Variants in SCN1A observed in about 807,000 individuals in gnomAD.
SCN1A encodes sodium channel protein type 1 subunit alpha.
SCN1A carries 13 observed loss-of-function variants against 193.7 expected under a neutral mutation model. The ratio of observed to expected loss-of-function variants is 0.07; its 90% CI spans 0.04 to 0.11. The LOEUF is 0.11. Among genes scored for constraint, SCN1A ranks in the 10% least tolerant of loss-of-function variants. The pLI is 1.00. For synonymous variants in SCN1A, 781 were observed against 843.6 expected, an observed-to-expected ratio of 0.93 and a Z score of 1.29; for missense variants, 1,432 against 2,451.1, an observed-to-expected ratio of 0.58 and a Z score of 8.78.
intron 1 of SCN1A, among the ~76,000 whole-genome samples, chr2:166,136,772 A>C (rs1364179656): frequency 6.6e-6 from 1 of 152,196 alleles, no homozygotes; most frequent in East Asian, 1.9e-4. Context: ...TCCAGGCAAG[A>C]GTGAAAGTGG....
chr2:166,002,997 G>A (rs1351076459), intron 23 of SCN1A: 3 of 304,278 alleles, frequency 9.9e-6, no homozygotes, highest in South Asian at 9.4e-5. Context: ...TTAAAAAAAA[G>A]GGAGGGAGAA....
intron 1 of SCN1A, among the ~76,000 whole-genome samples, chr2:166,139,560 A>G (rs1031922133): frequency 1.3e-5 from 2 of 152,200 alleles, no homozygotes; most frequent in Non-Finnish European, 2.9e-5. Context: ...GCCACGTGGA[A>G]CTATGAGTTC....
At chr2:166,097,606 G>C (rs1687536290) in intron 2 of SCN1A, among the ~76,000 whole-genome samples, 1 of 152,060 alleles carries the variant, frequency 6.6e-6, no homozygotes, top group Non-Finnish European at 1.5e-5. Flanking sequence ...AAAAAAAATA[G>C]GGTCTTGCCC....
At chr2:166,015,889 A>G (rs1374797967) in intron 19 of SCN1A, 162 bp from the exon 20 acceptor site, 7 of 726,504 alleles carry the variant, frequency 9.6e-6, no homozygotes, top group African/African-American at 7.1e-5. Flanking sequence ...TAAGAAAATC[A>G]TTGTCTGTGC....
Position 166,082,580 on chromosome 2 carries a change from A to G in SCN1A, c.-141-4779T>C, listed in dbSNP as rs1036300385. 3.9e-5 allele frequency among the ~76,000 whole-genome samples: 6 copies of G among 152,126 alleles called. No homozygotes were observed. In the East Asian group the frequency reaches 9.6e-4, roughly 24 times the overall value. ...ATGGGAGACTCCAAAATTTAAAAAG[A>G]TGATTGTAATATTCAAGTTTAGAAT... On this transcript the variant is annotated intron_variant, in intron 2 of 28. Coordinates refer to ENST00000674923, the MANE Select transcript of SCN1A (RefSeq NM_001165963.4).
At chr2:165,985,157 A>T (rs1351874085), downstream of SCN1A, 1 of 152,150 alleles carries the variant, frequency 6.6e-6, no homozygotes, top group Non-Finnish European at 1.5e-5. Flanking sequence ...GTCAAGAGGG[A>T]AAGAATAAAG....
intron 2 of SCN1A, among the ~76,000 whole-genome samples, chr2:166,091,089 A>G (rs1055479822): frequency 6.6e-6 from 1 of 152,172 alleles, no homozygotes; most frequent in Non-Finnish European, 1.5e-5. Context: ...AGGAAAGAGA[A>G]CTACACAGCT....
chr2:166,092,613 G>C (rs1278144146), intron 2 of SCN1A: 2 of 152,208 alleles, frequency 1.3e-5, no homozygotes, highest in African/African-American at 4.8e-5. Flanking sequence ...TGATCCTTCT[G>C]CCTCAGCATC....
upstream of SCN1A, among the ~76,000 whole-genome samples, chr2:166,132,161 TC>T (rs1156916255): frequency 2.6e-5 from 4 of 152,162 alleles, no homozygotes; most frequent in African/African-American, 9.7e-5. Flanking sequence ...TCTGATGAAG[TC>T]GGGGAGTGAT....
chr2:166,086,968 G>T (rs1686199159), intron 2 of SCN1A, among the ~76,000 whole-genome samples: 1 of 152,054 alleles, frequency 6.6e-6, no homozygotes, highest in African/African-American at 2.4e-5. Flanking sequence ...TTCTGTCTAG[G>T]TGTATGATAC....
chr2:166,012,931 G>A (rs1692731598), intron 21 of SCN1A, among the ~76,000 whole-genome samples: 3 of 151,034 alleles, frequency 2.0e-5, no homozygotes, highest in South Asian at 2.1e-4. Flanking sequence ...CTAAAGTAGC[G>A]TGTAGAAAAT....
chr2:166,129,916 G>A (rs924085075), upstream of SCN1A, among the ~76,000 whole-genome samples: 1 of 152,070 alleles, frequency 6.6e-6, no homozygotes, highest in Non-Finnish European at 1.5e-5. Context: ...GGGTATCTAC[G>A]CAGCTGACCT....
chr2:166,107,426 A>G (rs577669661), intron 2 of SCN1A, among the ~76,000 whole-genome samples: 1 of 152,298 alleles, frequency 6.6e-6, no homozygotes, highest in Non-Finnish European at 1.5e-5. Flanking sequence ...TAAGAGTGAG[A>G]GGTTACAAAA....
At position 166,043,726 on chromosome 2, in the gene SCN1A, C is replaced by T; in HGVS notation, c.1986G>A (p.Ser662=). 1 of 1,614,072 alleles carries T rather than the reference C, an allele frequency of 6.2e-7. No homozygotes were observed. Among genetic ancestry groups the T allele is most frequent in the East Asian group, 2.2e-5 (1 of 44,872 alleles). ...SLVGGPSVPT[S]PVGQLLPEVI... ...CCTCTGGCAGAAGCTGTCCAACAGG[C>T]GATGTAGGAACTGAAGGTCCACCAA... Residue 662 remains serine, a synonymous_variant, in exon 14 of 29, where the codon TCG becomes TCA. Coordinates refer to ENST00000674923, the MANE Select transcript of SCN1A (RefSeq NM_001165963.4).
intron 2 of SCN1A, among the ~76,000 whole-genome samples, chr2:166,102,875 A>G (rs1688260396): frequency 6.6e-6 from 1 of 152,244 alleles, no homozygotes; most frequent in East Asian, 1.9e-4. Flanking sequence ...GCCATAAATA[A>G]GAACAAAAGC....
Position 166,056,471 on chromosome 2 carries a change from A to C in SCN1A, c.413T>G (p.Ile138Ser), listed in dbSNP as rs1553552390. ...TGTCATAAACACACAGTTTGTCAAA[A>C]TAGTGCACATAATTAGCATGCTGAA... The part of the protein sequence containing the change: ...SLFSMLIMCT[I>S]LTNCVFMTMS... The change falls in exon 6 of 29, where the codon ATT (isoleucine) becomes AGT (serine). Residue 138 changes from isoleucine to serine, a missense_variant. Transcript: ENST00000674923. 1 of 1,606,504 alleles carries C rather than the reference A, an allele frequency of 6.2e-7. No homozygotes were observed. The highest frequency in any genetic ancestry group is 1.3e-5 in the African/African-American group (1 of 74,700).
At chr2:166,101,971 TG>T (rs1394393011) in intron 2 of SCN1A, among the ~76,000 whole-genome samples, 10 of 152,234 alleles carry the variant, frequency 6.6e-5, no homozygotes, top group Admixed American at 5.9e-4. Context: ...TTGCAAACCA[TG>T]CATATGATGA....
chr2:166,072,433 A>G (rs536316584), intron 4 of SCN1A, among the ~76,000 whole-genome samples: 2 of 152,318 alleles, frequency 1.3e-5, no homozygotes, highest in East Asian at 3.9e-4. Flanking sequence ...AATATTGTTT[A>G]TAGGTTCTTC....
chr2:166,004,695 A>G (rs1003725610), intron 23 of SCN1A, among the ~76,000 whole-genome samples: 4 of 151,498 alleles, frequency 2.6e-5, no homozygotes, highest in Non-Finnish European at 5.9e-5. Flanking sequence ...CTGGTCATCT[A>G]TACTTCATGC....
Sources: allele counts gnomAD v4.1 joint callset (sites outside exome capture counted in the v4.1 genomes callset), GRCh38; gene constraint gnomAD v4.1.1; transcripts MANE v1.5; gene names NCBI Gene and HGNC (gene_info 2026-07-23, HGNC 2026-07-21).